Variants in HS2ST1 observed in about 807,000 individuals in gnomAD.
HS2ST1 encodes the protein heparan sulfate 2-O-sulfotransferase 1.
A neutral mutation model predicts 42.9 loss-of-function variants in HS2ST1; 18 were observed. The ratio of observed to expected loss-of-function variants is 0.42; its 90% CI spans 0.29 to 0.62. The LOEUF (loss-of-function observed/expected upper bound fraction) is 0.62. Ranked by LOEUF, HS2ST1 falls within the 20% of genes least tolerant of loss-of-function variation. The pLI is 0.21. For missense variants in HS2ST1, 334 were observed against 433.8 expected, an observed-to-expected ratio of 0.77 and a Z score of 2.04; for synonymous variants, 146 against 152.9, an observed-to-expected ratio of 0.95 and a Z score of 0.33.
At chr1:87,047,401 T>G (rs1650710778) in intron 1 of HS2ST1, among the ~76,000 whole-genome samples, 2 of 152,186 alleles carry the variant, frequency 1.3e-5, no homozygotes, top group Admixed American at 6.5e-5. Context: ...CCTTTTCATT[T>G]CTGTATCTTT....
intron 1 of HS2ST1, among the ~76,000 whole-genome samples, chr1:86,969,747 T>C (rs1216346325): frequency 2.0e-5 from 3 of 151,350 alleles, no homozygotes; most frequent in African/African-American, 7.3e-5. Flanking sequence ...TTATATAAAA[T>C]ATCTTAATTA....
chr1:87,012,087 G>A (rs1238249707), intron 1 of HS2ST1, among the ~76,000 whole-genome samples: 2 of 152,152 alleles, frequency 1.3e-5, no homozygotes, highest in Non-Finnish European at 2.9e-5. Context: ...GGATAGAAAT[G>A]TCCACTAATG....
intron 1 of HS2ST1, among the ~76,000 whole-genome samples, chr1:86,985,367 A>AAGTATATATATGT (rs1330659867): frequency 4.9e-5 from 2 of 41,088 alleles, no homozygotes; most frequent in African/African-American, 5.9e-5. Flanking sequence ...AAAAAAAAAA[A>AAGTATATATATGT]GTATATATAT....
chr1:86,948,680 G>A (rs1647414041), intron 1 of HS2ST1, among the ~76,000 whole-genome samples: 1 of 152,120 alleles, frequency 6.6e-6, no homozygotes, highest in Non-Finnish European at 1.5e-5. Context: ...AATAGTAAAG[G>A]TGTTGCTACA....
chr1:86,942,582 TA>T (rs1660786583), intron 1 of HS2ST1, among the ~76,000 whole-genome samples: 1 of 152,324 alleles, frequency 6.6e-6, no homozygotes, highest in East Asian at 1.9e-4. Flanking sequence ...TATTTTGTAT[TA>T]TTTCTGAGGA....
intron 2 of HS2ST1, among the ~76,000 whole-genome samples, chr1:87,081,192 G>A (rs1019607089): frequency 6.6e-5 from 10 of 152,158 alleles, no homozygotes; most frequent in African/African-American, 1.9e-4. Context: ...TACTTAATCT[G>A]CAGCTTACAC....
At chr1:87,032,534 A>G (rs972455784) in intron 1 of HS2ST1, among the ~76,000 whole-genome samples, 8 of 152,136 alleles carry the variant, frequency 5.3e-5, no homozygotes, top group Non-Finnish European at 1.2e-4. Flanking sequence ...TTTTATTATT[A>G]TGATTTCATT....
intron 1 of HS2ST1, among the ~76,000 whole-genome samples, chr1:87,025,072 CAT>C (rs1000598605): frequency 6.6e-6 from 1 of 152,178 alleles, no homozygotes; most frequent in Non-Finnish European, 1.5e-5. Flanking sequence ...GGGACTATAA[CAT>C]AGAGAATTGG....
intron 1 of HS2ST1, among the ~76,000 whole-genome samples, chr1:86,976,895 ACT>A (rs376717088): frequency 4.6e-5 from 7 of 150,616 alleles, no homozygotes; most frequent in African/African-American, 1.7e-4. Context: ...GCATAGTGAG[ACT>A]CTGTCTCTAC....
At chr1:86,979,424 C>A (rs917902557) in intron 1 of HS2ST1, among the ~76,000 whole-genome samples, 2 of 152,112 alleles carry the variant, frequency 1.3e-5, no homozygotes, top group Non-Finnish European at 1.5e-5. Context: ...TTTGACTATT[C>A]CAGATATCTC....
chr1:86,975,133 T>C (rs1227411691), intron 1 of HS2ST1, among the ~76,000 whole-genome samples: 1 of 152,166 alleles, frequency 6.6e-6, no homozygotes, highest in Non-Finnish European at 1.5e-5. Flanking sequence ...GAACCTTAAA[T>C]TTAATTTATT....
chr1:86,984,190 A>T (rs1344707677), intron 1 of HS2ST1, among the ~76,000 whole-genome samples: 1 of 152,208 alleles, frequency 6.6e-6, no homozygotes, highest in Non-Finnish European at 1.5e-5. Flanking sequence ...GAGTCAGTTA[A>T]TTTTTCCAAA....
chr1:86,937,504 T>G (rs912408388), intron 1 of HS2ST1, among the ~76,000 whole-genome samples: 1 of 152,208 alleles, frequency 6.6e-6, no homozygotes. Context: ...AAAGTTTCAC[T>G]GTGACTTAAG....
At chr1:87,046,135 A>T (rs1471507883) in intron 1 of HS2ST1, 1 of 708,176 alleles carries the variant, frequency 1.4e-6, no homozygotes, top group Non-Finnish European at 2.6e-6. Flanking sequence ...AATGCTTTAG[A>T]TAACAGAGCT....
intron 1 of HS2ST1, chr1:87,046,494 G>T: frequency 8.0e-7 from 1 of 1,245,034 alleles, no homozygotes; most frequent in South Asian, 1.2e-5. Flanking sequence ...AAATCAACTG[G>T]ATATAATCCA....
At chr1:87,037,068 T>G (rs1383569253) in intron 1 of HS2ST1, among the ~76,000 whole-genome samples, 1 of 152,118 alleles carries the variant, frequency 6.6e-6, no homozygotes, top group Non-Finnish European at 1.5e-5. Context: ...ATCAATTCAT[T>G]TGTTTTGCTG....
chr1:87,046,020 A>G (rs1570509215), intron 1 of HS2ST1: 1 of 680,452 alleles, frequency 1.5e-6, no homozygotes, highest in Non-Finnish European at 2.8e-6. Flanking sequence ...TGCCAGGGAA[A>G]GTGCACTGCA....
At chr1:86,924,498 G>A (rs1019540395) in intron 1 of HS2ST1, among the ~76,000 whole-genome samples, 7 of 152,136 alleles carry the variant, frequency 4.6e-5, no homozygotes, top group East Asian at 1.9e-4. Flanking sequence ...TGAGGGCCCC[G>A]CCCCACAGCA....
intron 1 of HS2ST1, among the ~76,000 whole-genome samples, chr1:87,019,908 T>C (rs557450486): frequency 1.3e-5 from 2 of 152,328 alleles, no homozygotes; most frequent in South Asian, 4.1e-4. Flanking sequence ...ATAAAAACTT[T>C]TTCTGACTCC....
Sources: allele counts gnomAD v4.1 joint callset (sites outside exome capture counted in the v4.1 genomes callset), GRCh38; gene constraint gnomAD v4.1.1; transcripts MANE v1.5; gene names NCBI Gene and HGNC (gene_info 2026-07-23, HGNC 2026-07-21).